The following ROBO2 variants were observed in gnomAD, a reference collection of about 807,000 sequenced individuals.
ROBO2 encodes the protein roundabout homolog 2.
In ROBO2, 53 loss-of-function variants were observed where a neutral mutation model predicts 160.8. That is an observed-to-expected ratio of 0.33 (90% CI 0.26 to 0.41). The LOEUF (loss-of-function observed/expected upper bound fraction) is 0.41, where lower values mean the gene tolerates loss of function less well. ROBO2 is among the 10% of genes least tolerant of loss of function. ROBO2 has a pLI of 1.00. For missense variants in ROBO2, 1,577 were observed against 1,722.4 expected (o/e 0.92, Z 1.49); for synonymous variants, 664 against 611.7 (o/e 1.09, Z -1.26).
At chr3:76,881,851 A>G (rs1310522834) in intron 2 of ROBO2, among the ~76,000 whole-genome samples, 2 of 152,144 alleles carry the variant, frequency 1.3e-5, no homozygotes, top group African/African-American at 4.8e-5. Context: ...ACCTAATTCC[A>G]TCTGGTGGCT....
At chr3:77,023,098 A>G (rs1336902988) in intron 2 of ROBO2, among the ~76,000 whole-genome samples, 1 of 152,094 alleles carries the variant, frequency 6.6e-6, no homozygotes, top group Non-Finnish European at 1.5e-5. Context: ...CAGAATTCCC[A>G]CATGTTGTGG....
intron 1 of ROBO2, among the ~76,000 whole-genome samples, chr3:77,052,895 G>A (rs2065359039): frequency 6.6e-6 from 1 of 152,206 alleles, no homozygotes; most frequent in African/African-American, 2.4e-5. Context: ...ATGAGAAAGT[G>A]TTAAGGGTGG....
chr3:76,284,099 C>G (rs1470121564), intron 2 of ROBO2, among the ~76,000 whole-genome samples: 1 of 151,942 alleles, frequency 6.6e-6, no homozygotes, highest in Non-Finnish European at 1.5e-5. Flanking sequence ...TTTTCCATTA[C>G]TGTATGTTTT....
intron 2 of ROBO2, among the ~76,000 whole-genome samples, chr3:77,357,868 C>T (rs956311714): frequency 1.3e-5 from 2 of 152,156 alleles, no homozygotes; most frequent in African/African-American, 4.8e-5. Context: ...AACTACCTTT[C>T]CCTATGGAAA....
intron 2 of ROBO2, among the ~76,000 whole-genome samples, chr3:76,721,367 A>T (rs1185346761): frequency 6.6e-6 from 1 of 152,184 alleles, no homozygotes; most frequent in African/African-American, 2.4e-5. Context: ...AAAGTAGCAT[A>T]TTTCTGATGA....
Position 76,960,779 on chromosome 3 carries a change from G to T in ROBO2, c.110-137235G>T, listed in dbSNP as rs539595209. Among the ~76,000 whole-genome samples, 16 of 152,150 alleles carry T rather than the reference G, an allele frequency of 1.1e-4. No individual in the cohort carries two copies. The South Asian group carries it at 3.3e-3, about 32-fold the overall frequency. Reference sequence around the variant, plus strand: ...ACTTATTTTCTGAATAATTATATATGAATGCCCAAAAATAAACCACTGTAG... The same window carrying T: ...ACTTATTTTCTGAATAATTATATATTAATGCCCAAAAATAAACCACTGTAG... On this transcript the variant is annotated intron_variant, in intron 2 of 26. Transcript: ENST00000487694.
At chr3:77,485,343 T>C (rs1477187580) in intron 4 of ROBO2, among the ~76,000 whole-genome samples, 1 of 152,156 alleles carries the variant, frequency 6.6e-6, no homozygotes, top group African/African-American at 2.4e-5. Context: ...CAGTTGTGAC[T>C]CTAACATCAT....
At chr3:76,603,365 T>A (rs1364504231) in intron 2 of ROBO2, among the ~76,000 whole-genome samples, 20 of 134,302 alleles carry the variant, frequency 1.5e-4, no homozygotes, top group African/African-American at 5.1e-4. Context: ...TATATATATA[T>A]ATATATATAT....
At chr3:77,399,611 A>G (rs2075610546) in intron 2 of ROBO2, among the ~76,000 whole-genome samples, 1 of 152,168 alleles carries the variant, frequency 6.6e-6, no homozygotes, top group South Asian at 2.1e-4. Flanking sequence ...TGGTTAGACC[A>G]TATATCTAGA....
intron 2 of ROBO2, among the ~76,000 whole-genome samples, chr3:76,717,162 T>A (rs770094512): frequency 3.9e-4 from 59 of 152,280 alleles, no homozygotes; most frequent in South Asian, 1.0e-3. Flanking sequence ...TTACAAAGAA[T>A]CTGTTCATCA....
At chr3:76,962,323 G>A (rs2079726629) in intron 2 of ROBO2, among the ~76,000 whole-genome samples, 2 of 151,750 alleles carry the variant, frequency 1.3e-5, no homozygotes, top group South Asian at 4.2e-4. Context: ...AACAGAGCGA[G>A]ATTCCATTAA....
chr3:76,826,052 G>GT (rs2066563354), intron 2 of ROBO2, among the ~76,000 whole-genome samples: 1 of 141,088 alleles, frequency 7.1e-6, no homozygotes, highest in Non-Finnish European at 1.6e-5. Context: ...TGAGTTTGTG[G>GT]GTTTTTTTTT....
intron 1 of ROBO2, among the ~76,000 whole-genome samples, chr3:77,091,451 A>G (rs905623229): frequency 6.6e-6 from 1 of 152,204 alleles, no homozygotes; most frequent in Non-Finnish European, 1.5e-5. Context: ...AAAAATCATT[A>G]CAAAATCATT....
At chr3:76,477,785 T>C (rs2107243305) in intron 2 of ROBO2, among the ~76,000 whole-genome samples, 1 of 152,226 alleles carries the variant, frequency 6.6e-6, no homozygotes, top group African/African-American at 2.4e-5. Flanking sequence ...CTTCCTGCTG[T>C]TCCTTATGTC....
At chr3:77,550,050 A>G (rs976199714) in intron 7 of ROBO2, among the ~76,000 whole-genome samples, 1 of 151,938 alleles carries the variant, frequency 6.6e-6, no homozygotes, top group Non-Finnish European at 1.5e-5. Context: ...AATTAATGTT[A>G]CTCCTCTCAT....
intron 2 of ROBO2, among the ~76,000 whole-genome samples, chr3:77,207,736 A>G (rs1027144594): frequency 6.6e-6 from 1 of 152,228 alleles, no homozygotes; most frequent in Non-Finnish European, 1.5e-5. Context: ...ATAAGCTTTT[A>G]GTGTGCAGCA....
At chr3:77,127,641 A>T (rs1269398734) in intron 2 of ROBO2, among the ~76,000 whole-genome samples, 4 of 152,200 alleles carry the variant, frequency 2.6e-5, no homozygotes, top group African/African-American at 4.8e-5. Flanking sequence ...TAGTAAACTT[A>T]AAAAAGGTGT....
At chr3:77,057,603 G>T (rs1311532896) in intron 1 of ROBO2, among the ~76,000 whole-genome samples, 2 of 109,832 alleles carry the variant, frequency 1.8e-5, no homozygotes, top group Non-Finnish European at 3.3e-5. Flanking sequence ...ATGTAGTCTC[G>T]CTCTGTTGCC....
intron 2 of ROBO2, among the ~76,000 whole-genome samples, chr3:76,517,310 A>G (rs758151295): frequency 5.3e-5 from 8 of 152,152 alleles, no homozygotes; most frequent in Non-Finnish European, 8.8e-5. Context: ...AAAGATTAAT[A>G]TAACTAAAAG....
Sources: gnomAD v4.1 joint callset for allele counts (sites outside exome capture counted in the v4.1 genomes callset) on GRCh38, gnomAD v4.1.1 for gene constraint, MANE v1.5 for transcripts, NCBI Gene and HGNC (gene_info 2026-07-23, HGNC 2026-07-21) for gene names.